Variants in RYR3 observed in about 807,000 individuals in gnomAD.
RYR3 encodes ryanodine receptor 3.
RYR3 carries 207 observed loss-of-function variants against 584.3 expected under a neutral mutation model. The observed-to-expected ratio is 0.35, with a 90% CI of 0.32 to 0.40. RYR3 has a LOEUF of 0.40. RYR3 is among the 10% of genes least tolerant of loss of function. RYR3 has a pLI of 1.00. For synonymous variants in RYR3, 2,416 were observed against 2,248.5 expected (o/e 1.07, Z -2.11); for missense variants, 5,616 against 6,089.2 (o/e 0.92, Z 2.59).
rs777021043 is a variant in RYR3 at position 33,628,464 on chromosome 15, C to T, written c.2575-7C>T. On this transcript the variant is annotated splice_polypyrimidine_tract_variant and splice_region_variant and intron_variant, in intron 20 of 103. Transcript: ENST00000634891. ...TCGATTCTTTTCACTTGCTCCTTTT[C>T]CTTTAGGTTATTTTGCCACCTCACC... is the stretch of plus-strand genomic sequence containing the variant. 1 of 1,585,518 alleles carries T rather than the reference C, an allele frequency of 6.3e-7. No individual in the cohort carries two copies. The highest frequency in any genetic ancestry group is 8.7e-7 in the Non-Finnish European group (1 of 1,154,044).
chr15:33,524,463 G>T (rs942619626), intron 3 of RYR3, among the ~76,000 whole-genome samples: 1 of 152,010 alleles, frequency 6.6e-6, no homozygotes, highest in Admixed American at 6.5e-5. Flanking sequence ...TTGTTTTGTT[G>T]CGCCTATTAT....
In RYR3 at chr15:33,635,617, A is replaced by G. The variant is rs1174565960; in HGVS notation, c.3179A>G (p.Asp1060Gly). ...NIEPSDQELA[D>G]SAVEKVSIDK... ...TTCGCCTTTCTTCTCACAATAGCTGACTCGGCTGTGGAGAAGGTCAGCATA... is the reference window on the plus strand; with the variant it reads ...TTCGCCTTTCTTCTCACAATAGCTGGCTCGGCTGTGGAGAAGGTCAGCATA... Residue 1060 changes from aspartate to glycine, a missense_variant, in exon 26 of 104, where the codon GAC becomes GGC. This residue lies in a region of RYR3 where 1,284 missense variants were observed against 1,344.6 expected (regional missense o/e 0.95). Transcript: ENST00000634891. 6.2e-7 allele frequency: 1 copy of G among 1,612,990 alleles called. No homozygotes were observed. The highest frequency in any genetic ancestry group is 2.2e-5 in the East Asian group (1 of 44,864).
intron 1 of RYR3, among the ~76,000 whole-genome samples, chr15:33,427,113 G>A (rs745425865): frequency 6.6e-6 from 1 of 152,188 alleles, no homozygotes; most frequent in African/African-American, 2.4e-5. Flanking sequence ...GTTACCAGCT[G>A]GAGAGGCCTC....
intron 2 of RYR3, among the ~76,000 whole-genome samples, chr15:33,488,627 C>T (rs972238364): frequency 4.6e-5 from 7 of 151,994 alleles, no homozygotes; most frequent in South Asian, 2.1e-4. Flanking sequence ...ACAAGGCGGG[C>T]AGATCACAAG....
chr15:33,754,261 G>C (rs927228815), intron 57 of RYR3, among the ~76,000 whole-genome samples: 10 of 152,092 alleles, frequency 6.6e-5, no homozygotes, highest in African/African-American at 2.4e-4. Flanking sequence ...TTTAAACACA[G>C]CAACCAGTGA....
Position 33,311,069 on chromosome 15 carries a change from C to A in RYR3, c.24C>A (p.Gly8=), listed in dbSNP as rs552810915. 2 of 1,581,476 alleles carry A rather than the reference C, an allele frequency of 1.3e-6. No homozygotes were observed. The highest frequency in any genetic ancestry group is 2.4e-5 in the East Asian group (1 of 40,992). MAEGGEG[G]EDEIQFLRTE... ...CCATGGCCGAAGGGGGAGAAGGAGG[C>A]GAGGACGAGATCCAGTTTCTGAGGA... is the stretch of plus-strand genomic sequence containing the variant. The change falls in exon 1 of 104, where the codon GGC becomes GGA. Residue 8 remains glycine (G), a synonymous_variant. Transcript: ENST00000634891. This position sits in a 1 kb window ranked among gnomAD's most constrained non-coding sequence, Gnocchi z 4.4.
chr15:33,748,260 G>A lies in RYR3; in HGVS notation c.8136G>A (p.Gln2712=). The change falls in exon 54 of 104, where the codon CAG becomes CAA. Residue 2712 remains glutamine (Q), a splice_region_variant and synonymous_variant. Coordinates refer to ENST00000634891, the MANE Select transcript of RYR3 (RefSeq NM_001036.6). ...TTCGAAGTGTGTCCCAGGCCAACCA[G>A]GTATGACACCACACCCAGAGGCCCA... ...EKLRSVSQAN[Q]GNSYSPAPLD... is the part of the protein sequence containing the mutation. 6.2e-7 allele frequency: 1 copy of A among 1,613,674 alleles called. No homozygotes were observed.
chr15:33,854,585 A>C, intron 97 of RYR3, 136 bp downstream of exon 97: 1 of 1,021,008 alleles, frequency 9.8e-7, no homozygotes, highest in South Asian at 1.6e-5. Context: ...TGCTGGGGGA[A>C]CACTTATACA....
At chr15:33,487,561 A>AT (rs2050564737) in intron 2 of RYR3, among the ~76,000 whole-genome samples, 1 of 152,102 alleles carries the variant, frequency 6.6e-6, no homozygotes, top group Non-Finnish European at 1.5e-5. Flanking sequence ...GCTGCCCAAC[A>AT]TTTTGGGTGA....
intron 59 of RYR3, among the ~76,000 whole-genome samples, chr15:33,757,236 C>T (rs2071932113): frequency 6.6e-6 from 1 of 152,150 alleles, no homozygotes; most frequent in Non-Finnish European, 1.5e-5. Context: ...CAAATGCGCA[C>T]ACATTTCTTT....
rs959768230 is a variant in RYR3, at chr15:33,859,566, C to G, written c.14143-9C>G. On this transcript the variant is annotated splice_polypyrimidine_tract_variant and intron_variant, in intron 99 of 103. Transcript: ENST00000634891. ...TTTTGCCTAAATCCCCCTTATTTTT[C>G]TTCTCTAGTGTTACCTTTTCCACAT... 6.2e-7 allele frequency: 1 copy of G among 1,612,628 alleles called. No homozygotes were observed. Among genetic ancestry groups the G allele is most frequent in the African/African-American group, 1.3e-5 (1 of 74,846 alleles).
intron 1 of RYR3, among the ~76,000 whole-genome samples, chr15:33,443,008 C>G (rs1442277231): frequency 6.6e-6 from 1 of 152,206 alleles, no homozygotes; most frequent in Non-Finnish European, 1.5e-5. Context: ...CCTGTAATCC[C>G]AGCACTTGGG....
At chr15:33,403,110 A>G (rs1317106636) in intron 1 of RYR3, among the ~76,000 whole-genome samples, 1 of 152,244 alleles carries the variant, frequency 6.6e-6, no homozygotes, top group Non-Finnish European at 1.5e-5. Context: ...GAGAGCTGCT[A>G]TTGGACATGA....
At chr15:33,814,104 C>G (rs963233071) in intron 74 of RYR3, among the ~76,000 whole-genome samples, 1 of 152,150 alleles carries the variant, frequency 6.6e-6, no homozygotes, top group African/African-American at 2.4e-5. Context: ...AGGCACGATG[C>G]CTTCGGGTGT....
intron 49 of RYR3, 59 bp downstream of exon 49, chr15:33,736,384 T>C (rs969419217): frequency 6.1e-6 from 7 of 1,151,812 alleles, no homozygotes; most frequent in Admixed American, 2.0e-5. Flanking sequence ...TGCCTTGTAA[T>C]ATGTGATGTC....
intron 1 of RYR3, among the ~76,000 whole-genome samples, chr15:33,402,473 T>C (rs2042745000): frequency 6.6e-6 from 1 of 152,240 alleles, no homozygotes; most frequent in Admixed American, 6.5e-5. Context: ...CAGGTGCTTG[T>C]TGTTTCTGTC....
chr15:33,855,156 C>G (rs906066600), intron 98 of RYR3, among the ~76,000 whole-genome samples: 3 of 151,862 alleles, frequency 2.0e-5, no homozygotes, highest in African/African-American at 7.3e-5. Context: ...TTTAGATCAA[C>G]CAGGAGAGGG....
At chr15:33,347,382 A>T (rs1972587922) in intron 1 of RYR3, among the ~76,000 whole-genome samples, 2 of 151,886 alleles carry the variant, frequency 1.3e-5, no homozygotes, top group South Asian at 4.2e-4. Context: ...TTTATTCTGT[A>T]TCTTGAGTTA....
chr15:33,630,880 A>G (rs978022424), intron 22 of RYR3, among the ~76,000 whole-genome samples: 26 of 152,206 alleles, frequency 1.7e-4, no homozygotes, highest in Admixed American at 1.4e-3. Context: ...CTATCATCTA[A>G]ATCGGGAGTT....
Sources: allele counts gnomAD v4.1 joint callset (sites outside exome capture counted in the v4.1 genomes callset), GRCh38; gene constraint gnomAD v4.1.1; regional missense constraint gnomAD v4.1.1; non-coding constraint Gnocchi (gnomAD v3.1); transcripts MANE v1.5; gene names NCBI Gene and HGNC (gene_info 2026-07-23, HGNC 2026-07-21).